GNPDA2: variants seen among roughly 807,000 people sequenced by gnomAD.
GNPDA2 encodes the protein glucosamine-6-phosphate deaminase 2.
Under a neutral mutation model 27.0 loss-of-function variants are expected in GNPDA2, and 24 were observed. The observed-to-expected ratio is 0.89, with a 90% CI of 0.64 to 1.25. The LOEUF is 1.25. Among genes scored for constraint, GNPDA2 ranks in the 50% most tolerant of loss-of-function variants. The probability of loss-of-function intolerance (pLI) is 0.00; values close to 1 mark genes in which losing one functional copy is unlikely to be tolerated. For synonymous variants in GNPDA2, 94 were observed against 108.4 expected (o/e 0.87, Z 0.83); for missense variants, 286 against 335.1 (o/e 0.85, Z 1.14).
intron 1 of GNPDA2, among the ~76,000 whole-genome samples, chr4:44,724,488 C>A (rs900660027): frequency 6.6e-6 from 1 of 152,070 alleles, no homozygotes; most frequent in African/African-American, 2.4e-5. Flanking sequence ...CTGACATTAC[C>A]ATCAATAGTT....
intron 5 of GNPDA2, 57 bp from the exon 6 acceptor site, chr4:44,707,983 A>AT (rs1449154794): frequency 4.0e-5 from 50 of 1,264,198 alleles, no homozygotes; most frequent in South Asian, 1.1e-4. Flanking sequence ...AAGAAGCTCT[A>AT]TTTTTTTTAA....
intron 2 of GNPDA2, 24 bp from the exon 3 acceptor site, chr4:44,718,434 TTC>T (rs1717453114): frequency 2.3e-6 from 2 of 851,088 alleles, no homozygotes; most frequent in Non-Finnish European, 3.5e-6. Flanking sequence ...AAATTCCATT[TTC>T]TAAAATGACT....
chr4:44,708,001 C>A, intron 5 of GNPDA2, 75 bp from the exon 6 acceptor site: 1 of 980,994 alleles, frequency 1.0e-6, no homozygotes. Context: ...TAAACGAGAA[C>A]TTAAGCACCA....
rs143143289 is a variant in GNPDA2, at chr4:44,710,953, T to C, written c.594A>G (p.Glu198=). ...ACAGCAAAGAATATTTAATGCTTAC[T>C]TCTCTAGCATCCATCACTGTCCCCA... ...VGVGTVMDAR[E]VMILITGAHK... The change falls in exon 5 of 7, where the codon GAA becomes GAG. Residue 198 remains glutamate (E), a splice_region_variant and synonymous_variant. Coordinates refer to ENST00000295448, the MANE Select transcript of GNPDA2 (RefSeq NM_138335.3). The C allele has an allele frequency of 4.0e-5, 63 of 1,581,742 alleles. 1 individual carries two copies. The highest frequency in any genetic ancestry group is 3.3e-4 in the African/African-American group (24 of 73,064).
chr4:44,718,418 A>T lies in GNPDA2; in HGVS notation c.125-8T>A, dbSNP rs768485513. 9.5e-7 allele frequency: 1 copy of T among 1,053,526 alleles called. No homozygotes were observed. The highest frequency in any genetic ancestry group is 1.3e-6 in the Non-Finnish European group (1 of 742,128). 65.3% of individuals were successfully genotyped at this position (1,053,526 alleles called of 1,614,324 possible). ...ATCCTAAAGGTGTACTCCCTAAAAG[A>T]CATAAAAATTCCATTTTCTAAAATG... On this transcript the variant is annotated splice_polypyrimidine_tract_variant and splice_region_variant and intron_variant, in intron 2 of 6. Transcript: ENST00000295448.
At chr4:44,703,726 T>C (rs1716416086) in intron 6 of GNPDA2, 2 of 983,390 alleles carry the variant, frequency 2.0e-6, no homozygotes, top group Non-Finnish European at 2.4e-6. Context: ...CGATTTTAAA[T>C]CCGGTAGATT....
At chr4:44,716,117 A>G (rs973407100) in intron 4 of GNPDA2, among the ~76,000 whole-genome samples, 1 of 151,900 alleles carries the variant, frequency 6.6e-6, no homozygotes, top group Admixed American at 6.6e-5. Flanking sequence ...CTGAACTTCA[A>G]TAAACTTTCC....
At chr4:44,710,914 A>C (rs772654925) in intron 5 of GNPDA2, 39 bp downstream of exon 5, 90 of 1,420,054 alleles carry the variant, frequency 6.3e-5, no homozygotes, top group Non-Finnish European at 8.3e-5. Flanking sequence ...TAATATATTA[A>C]CATGAAAAGA....
At position 44,702,242 on chromosome 4, in the gene GNPDA2, C is replaced by G. The variant is rs576912909; in HGVS notation, c.*839G>C. 35 of 644,896 alleles carry G rather than the reference C, an allele frequency of 5.4e-5. No individual in the cohort carries two copies. The African/African-American group carries it at 6.7e-4, about 12-fold the overall frequency. The allele number at this position is 644,896 out of a possible 1,614,324, so 39.9% of individuals were successfully genotyped here. On this transcript the variant is annotated 3_prime_UTR_variant, in exon 7 of 7. Coordinates refer to ENST00000295448, the MANE Select transcript of GNPDA2 (RefSeq NM_138335.3). ...TATGGCAATGTAGTTTACAGTAATTCCTTTTATATATACTTCGTATTATTC... is the reference window on the plus strand; with the variant it reads ...TATGGCAATGTAGTTTACAGTAATTGCTTTTATATATACTTCGTATTATTC...
At chr4:44,719,516 T>C (rs994344970) in intron 2 of GNPDA2, among the ~76,000 whole-genome samples, 3 of 152,080 alleles carry the variant, frequency 2.0e-5, no homozygotes, top group South Asian at 2.1e-4. Context: ...TTGTTTTCAA[T>C]TACAATTATT....
chr4:44,707,541 T>C, intron 6 of GNPDA2: 1 of 431,118 alleles, frequency 2.3e-6, no homozygotes. Flanking sequence ...AAATAGAGAC[T>C]GAAGAGATTC....
In GNPDA2 at chr4:44,703,061, G is replaced by T; in HGVS notation, c.*20C>A. On this transcript the variant is annotated 3_prime_UTR_variant, in exon 7 of 7. Transcript: ENST00000295448. ...AAAAAGTGCTCTGTTCATTCAAGCT[G>T]AATTTTGCTCCAGTCTCCTTCAGTT... The T allele has an allele frequency of 1.2e-6, 2 of 1,610,676 alleles. No homozygotes were observed. The highest frequency in any genetic ancestry group is 1.1e-5 in the South Asian group (1 of 90,294).
chr4:44,717,082 A>G, intron 4 of GNPDA2, 31 bp downstream of exon 4: 1 of 1,476,500 alleles, frequency 6.8e-7, no homozygotes. Context: ...AAACACTAAC[A>G]AACAGTTAAT....
chr4:44,708,386 T>C (rs555108304), intron 5 of GNPDA2, among the ~76,000 whole-genome samples: 4 of 152,218 alleles, frequency 2.6e-5, no homozygotes, highest in South Asian at 4.1e-4. Flanking sequence ...TGAAGAGTTA[T>C]CAAGAAAAGC....
rs1232301698 is a variant in GNPDA2, at chr4:44,707,900, G to C, written c.621C>G (p.His207Gln). 1 of 1,603,578 alleles carries C rather than the reference G, an allele frequency of 6.2e-7. No homozygotes were observed. The highest frequency in any genetic ancestry group is 8.5e-7 in the Non-Finnish European group (1 of 1,174,000). ...TTGCTTTGTACAGGGCAAATGCCTT[G>C]TGTGCCCCTGTTATAAGGATCATTA... is the stretch of plus-strand genomic sequence containing the variant. ...REVMILITGA[H>Q]KAFALYKAIE... The change falls in exon 6 of 7, where the codon CAC (histidine) becomes CAG (glutamine). Residue 207 changes from histidine (H) to glutamine (Q), a missense_variant. His to Gln is a conservative substitution (Grantham distance 24, BLOSUM62 0). Coordinates refer to ENST00000295448, the MANE Select transcript of GNPDA2 (RefSeq NM_138335.3).
In GNPDA2 at chr4:44,718,611, A is replaced by G. The variant is rs1717465647; in HGVS notation, c.125-201T>C. ...CAGAATTTGCTGAATAAAGCTGGAA[A>G]TCTGTCAATAAAAATTAAAGTTTGG... On this transcript the variant is annotated intron_variant, in intron 2 of 6. Coordinates refer to ENST00000295448, the MANE Select transcript of GNPDA2 (RefSeq NM_138335.3). 2.7e-5 allele frequency among the ~76,000 whole-genome samples: 4 copies of G among 150,810 alleles called. No individual in the cohort carries two copies. The Admixed American group carries it at 2.7e-4, about 10-fold the overall frequency.
intron 6 of GNPDA2, chr4:44,703,563 T>C: frequency 1.0e-6 from 1 of 988,008 alleles, no homozygotes; most frequent in African/African-American, 1.7e-5. Flanking sequence ...TCTTAATACA[T>C]TACCCTATCC....
At chr4:44,711,376 A>C (rs1716969691) in intron 4 of GNPDA2, among the ~76,000 whole-genome samples, 1 of 152,174 alleles carries the variant, frequency 6.6e-6, no homozygotes, top group Admixed American at 6.6e-5. Flanking sequence ...TATTAATATA[A>C]CATTTGATAA....
chr4:44,720,980 CAGAAACCA>C (rs1717626015), intron 2 of GNPDA2, among the ~76,000 whole-genome samples: 1 of 151,534 alleles, frequency 6.6e-6, no homozygotes, highest in African/African-American at 2.4e-5. Context: ...AGAAACTATA[CAGAAACCA>C]CGTTCAACCC....
Sources: gnomAD v4.1 joint callset for allele counts (sites outside exome capture counted in the v4.1 genomes callset) on GRCh38, gnomAD v4.1.1 for gene constraint, MANE v1.5 for transcripts, NCBI Gene and HGNC (gene_info 2026-07-23, HGNC 2026-07-21) for gene names.